MON1B: variants seen among roughly 807,000 people sequenced by gnomAD.
MON1B encodes the protein vacuolar fusion protein MON1 homolog B.
A neutral mutation model predicts 45.1 loss-of-function variants in MON1B; 26 were observed. The observed-to-expected ratio is 0.58, with a 90% confidence interval of 0.42 to 0.80. MON1B has a LOEUF of 0.80. Among genes scored for constraint, MON1B ranks in the 30% least tolerant of loss-of-function variants. The pLI is 0.00. For missense variants in MON1B, 737 were observed against 754.5 expected, an observed-to-expected ratio of 0.98 and a Z score of 0.27; for synonymous variants, 395 against 320.2, an observed-to-expected ratio of 1.23 and a Z score of -2.49.
chr16:77,193,438 G>T lies in MON1B; in HGVS notation c.149-13G>T. The T allele has an allele frequency of 6.5e-7, 1 of 1,536,718 alleles. No individual in the cohort carries two copies. On this transcript the variant is annotated splice_polypyrimidine_tract_variant and intron_variant, in intron 2 of 5. Transcript: ENST00000248248. The surrounding 1 kb of genome is among the most constrained non-coding windows in gnomAD (Gnocchi z 5.0). The stretch of plus-strand genomic sequence containing the variant: ...GTTCACATGCAGATGACCCACCAGG[G>T]GCTCCCTTTCAGGATCCAAGGACAA...
In MON1B at chr16:77,191,559, G is replaced by A; in HGVS notation, c.74G>A (p.Ser25Asn). The change falls in exon 2 of 6, where the codon AGT (serine) becomes AAT (asparagine). Residue 25 changes from serine to asparagine, a missense_variant. By Grantham distance (46) the Ser-to-Asn change is conservative (BLOSUM62 1). Transcript: ENST00000248248. ...AEDLEDTQFPSEEAREGGGVH... is the reference protein window; with the variant it reads ...AEDLEDTQFPNEEAREGGGVH... ...GACTTGGAGGACACGCAGTTCCCCAGTGAGGAAGCTAGAGAAGGTGGAGGG... is the reference window on the plus strand; with the variant it reads ...GACTTGGAGGACACGCAGTTCCCCAATGAGGAAGCTAGAGAAGGTGGAGGG... 1.2e-6 allele frequency: 2 copies of A among 1,609,234 alleles called. No individual in the cohort carries two copies. The highest frequency in any genetic ancestry group is 1.7e-6 in the Non-Finnish European group (2 of 1,178,780).
rs554081468 is a variant in MON1B at position 77,198,519 on chromosome 16, CT to C, written c.*212del. ...TCCCTGCCCAGTCATGCACCTCCCC[CT>C]CTGGGGAAATCCTTAGGCCTCCCTC... On this transcript the variant is annotated 3_prime_UTR_variant, in exon 6 of 6. Coordinates refer to ENST00000248248, the MANE Select transcript of MON1B (RefSeq NM_014940.4). The C allele has an allele frequency of 1.1e-3, 671 of 598,936 alleles. 3 individuals carry two copies. The highest frequency in any genetic ancestry group is 1.0e-2 in the African/African-American group (537 of 53,874). The allele number at this position is 598,936 out of a possible 1,614,324, so 37.1% of individuals were successfully genotyped here. A position where few individuals can be genotyped will look rare whatever the true frequency, so the allele number is the denominator to read the frequency against.
chr16:77,198,270 G>A lies in MON1B; in HGVS notation c.1606G>A (p.Asp536Asn), dbSNP rs1286676113. 6.2e-7 allele frequency: 1 copy of A among 1,614,114 alleles called. No individual in the cohort carries two copies. The change falls in exon 6 of 6, where the codon GAC (aspartate) becomes AAC (asparagine). Residue 536 changes from aspartate (D) to asparagine (N), a missense_variant. Transcript: ENST00000248248. ...CTCCACACCACCAGCCACCTCTACG[G>A]ACCAAGCTGCCCATAATGGCTTGTT... Reference protein sequence around the residue: ...KYSTPPATSTDQAAHNGLFTG... With the variant: ...KYSTPPATSTNQAAHNGLFTG...
Position 77,201,666 on chromosome 16 carries a change from G to C in MON1B, c.*3358G>C, listed in dbSNP as rs1349708764. The C allele has an allele frequency of 2.0e-5, 3 of 152,104 alleles. No individual in the cohort carries two copies. Among genetic ancestry groups the C allele is most frequent in the African/African-American group, 7.2e-5 (3 of 41,418 alleles). 9.4% of individuals were successfully genotyped at this position (152,104 alleles called of 1,614,324 possible). A position where few individuals can be genotyped will look rare whatever the true frequency, so the allele number is the denominator to read the frequency against. The stretch of plus-strand genomic sequence containing the variant: ...GAATGGTCACTGGAGTGTTGATGTA[G>C]GCACAACACAAGAAGTAGTCACAGA... On this transcript the variant is annotated 3_prime_UTR_variant, in exon 6 of 6. Coordinates refer to ENST00000248248, the MANE Select transcript of MON1B (RefSeq NM_014940.4).
Position 77,194,205 on chromosome 16 carries a change from G to A in MON1B, c.476-130G>A, listed in dbSNP as rs753934022. 3.6e-6 allele frequency: 3 copies of A among 833,400 alleles called. No individual in the cohort carries two copies. The highest frequency in any genetic ancestry group is 4.1e-6 in the Non-Finnish European group (2 of 490,426). The allele number at this position is 833,400 out of a possible 1,614,324, so 51.6% of individuals were successfully genotyped here. ...AGCTTGTCCTTACCCCAGTCCAGGTGCCCACAGAGTGAGCATGTGGACTCG... is the reference window on the plus strand; with the variant it reads ...AGCTTGTCCTTACCCCAGTCCAGGTACCCACAGAGTGAGCATGTGGACTCG... On this transcript the variant is annotated intron_variant, in intron 3 of 5. Coordinates refer to ENST00000248248, the MANE Select transcript of MON1B (RefSeq NM_014940.4). This position sits in a 1 kb window ranked among gnomAD's most constrained non-coding sequence, Gnocchi z 8.1.
rs114682709 is a variant in MON1B at position 77,198,036 on chromosome 16, T to C, written c.1444-72T>C. 5.7e-5 allele frequency: 83 copies of C among 1,464,598 alleles called. No homozygotes were observed. In the Middle Eastern group the frequency reaches 9.4e-4, roughly 17 times the overall value. The allele number at this position is 1,464,598 out of a possible 1,614,324, so 90.7% of individuals were successfully genotyped here. The stretch of plus-strand genomic sequence containing the variant: ...AGGTTGCAGGAGGCAGACATGCAGC[T>C]GCACTGGGGTAGGCAGGATTGTCCA... On this transcript the variant is annotated intron_variant, in intron 5 of 5. Transcript: ENST00000248248.
chr16:77,198,463 T>C lies in MON1B; in HGVS notation c.*155T>C, dbSNP rs1178198853. Reference sequence around the variant, plus strand: ...TCTGAGGGCCCACCGATGAGAGAGATGGTGGCAGCCGCCAGGCGAGCAGGC... The same window carrying C: ...TCTGAGGGCCCACCGATGAGAGAGACGGTGGCAGCCGCCAGGCGAGCAGGC... On this transcript the variant is annotated 3_prime_UTR_variant, in exon 6 of 6. Transcript: ENST00000248248. 2.5e-6 allele frequency: 2 copies of C among 810,942 alleles called. No homozygotes were observed. Among genetic ancestry groups the C allele is most frequent in the Non-Finnish European group, 3.9e-6 (2 of 517,742 alleles). 50.2% of individuals were successfully genotyped at this position (810,942 alleles called of 1,614,324 possible).
chr16:77,195,999 T>C (rs1447147913), intron 5 of MON1B, among the ~76,000 whole-genome samples: 1 of 152,180 alleles, frequency 6.6e-6, no homozygotes, highest in Non-Finnish European at 1.5e-5. Flanking sequence ...AGTAGCCCAA[T>C]CCATGTGTTT....
Position 77,193,817 on chromosome 16 carries a change from TG to T in MON1B, c.475+43del. The stretch of plus-strand genomic sequence containing the variant: ...GGGAGGCAGAATGGGGGACAGTGAC[TG>T]GGAATATGGCTGGCACGGGTAGGTC... On this transcript the variant is annotated intron_variant, in intron 3 of 5. Coordinates refer to ENST00000248248, the MANE Select transcript of MON1B (RefSeq NM_014940.4). This position sits in a 1 kb window ranked among gnomAD's most constrained non-coding sequence, Gnocchi z 5.0. 4 of 1,571,096 alleles carry T rather than the reference TG, an allele frequency of 2.5e-6. No homozygotes were observed. Among genetic ancestry groups the T allele is most frequent in the Non-Finnish European group, 3.5e-6 (4 of 1,154,928 alleles).
At chr16:77,195,486 A>C (rs763254600) in intron 4 of MON1B, 49 bp from the exon 5 acceptor site, 4 of 1,561,828 alleles carry the variant, frequency 2.6e-6, no homozygotes, top group Non-Finnish European at 3.5e-6. Context: ...TGGGCCAGCC[A>C]AGAAGGCCCT....
In MON1B at chr16:77,193,979, T is replaced by C; in HGVS notation, c.475+202T>C. The stretch of plus-strand genomic sequence containing the variant: ...GCTGGTTTCTTAGTGATTGACTTGC[T>C]GGGATCTCAGTGACTAGCTGGATAC... On this transcript the variant is annotated intron_variant, in intron 3 of 5. Transcript: ENST00000248248. This position sits in a 1 kb window ranked among gnomAD's most constrained non-coding sequence, Gnocchi z 5.0. 2 of 619,850 alleles carry C rather than the reference T, an allele frequency of 3.2e-6. No homozygotes were observed. Among genetic ancestry groups the C allele is most frequent in the Non-Finnish European group, 5.6e-6 (2 of 355,164 alleles). 38.4% of individuals were successfully genotyped at this position (619,850 alleles called of 1,614,324 possible). A position where few individuals can be genotyped will look rare whatever the true frequency, so the allele number is the denominator to read the frequency against.
chr16:77,200,530 T>A lies in MON1B; in HGVS notation c.*2222T>A. On this transcript the variant is annotated 3_prime_UTR_variant, in exon 6 of 6. Coordinates refer to ENST00000248248, the MANE Select transcript of MON1B (RefSeq NM_014940.4). ...CAGCACTTTGGAAGGCCGAGGCGGG[T>A]GGGTCACCTGAGGTCAGGAGTTTGA... 6.7e-6 allele frequency: 1 copy of A among 149,664 alleles called. No individual in the cohort carries two copies. 9.3% of individuals were successfully genotyped at this position (149,664 alleles called of 1,614,324 possible). A position where few individuals can be genotyped will look rare whatever the true frequency, so the allele number is the denominator to read the frequency against.
intron 5 of MON1B, among the ~76,000 whole-genome samples, chr16:77,196,810 T>A (rs1025974311): frequency 3.9e-5 from 6 of 152,108 alleles, no homozygotes; most frequent in African/African-American, 1.4e-4. Context: ...CTTCTCCTAT[T>A]TATTGAATTT....
intron 5 of MON1B, 135 bp from the exon 6 acceptor site, chr16:77,197,973 G>T: frequency 1.2e-6 from 1 of 841,576 alleles, no homozygotes; most frequent in Non-Finnish European, 1.9e-6. Flanking sequence ...CAGTATCTAG[G>T]CAGCACCTGG....
intron 5 of MON1B, among the ~76,000 whole-genome samples, chr16:77,197,299 G>A (rs190021651): frequency 3.0e-3 from 459 of 152,268 alleles, no homozygotes; most frequent in African/African-American, 0.01. Flanking sequence ...GGGAGGCTGA[G>A]GCAGGAGAAT....
Position 77,198,174 on chromosome 16 carries a change from G to T in MON1B, c.1510G>T (p.Val504Leu). ...GGTGACCAAGGCAGGTGCAATCTTGGTAGTGACCAAACTCCTGCGCTGGGT... is the reference window on the plus strand; with the variant it reads ...GGTGACCAAGGCAGGTGCAATCTTGTTAGTGACCAAACTCCTGCGCTGGGT... ...PLVTKAGAILVVTKLLRWVKK... is the reference protein window; with the variant it reads ...PLVTKAGAILLVTKLLRWVKK... The change falls in exon 6 of 6, where the codon GTA (valine) becomes TTA (leucine). Residue 504 changes from valine (V) to leucine (L), a missense_variant. Physicochemically the swap from Val to Leu is conservative, Grantham distance 32. Transcript: ENST00000248248. 6.2e-7 allele frequency: 1 copy of T among 1,614,112 alleles called. No individual in the cohort carries two copies. Among genetic ancestry groups the T allele is most frequent in the Non-Finnish European group, 8.5e-7 (1 of 1,180,028 alleles).
Position 77,199,526 on chromosome 16 carries a change from G to A in MON1B, c.*1218G>A. On this transcript the variant is annotated 3_prime_UTR_variant, in exon 6 of 6. Coordinates refer to ENST00000248248, the MANE Select transcript of MON1B (RefSeq NM_014940.4). Reference sequence around the variant, plus strand: ...AGGAGGCTGAAGGTAGTGAGGGCAAGTGGGCTGCACTCCTTTCTCTCCAAC... The same window carrying A: ...AGGAGGCTGAAGGTAGTGAGGGCAAATGGGCTGCACTCCTTTCTCTCCAAC... 3 of 1,547,612 alleles carry A rather than the reference G, an allele frequency of 1.9e-6. No individual in the cohort carries two copies. Among genetic ancestry groups the A allele is most frequent in the Non-Finnish European group, 2.6e-6 (3 of 1,143,478 alleles).
Position 77,193,792 on chromosome 16 carries a change from G to A in MON1B, c.475+15G>A, listed in dbSNP as rs1567418248. Reference sequence around the variant, plus strand: ...CATCTACGCTGGTGAGCAAACAGGTGGGAGGCAGAATGGGGGACAGTGACT... The same window carrying A: ...CATCTACGCTGGTGAGCAAACAGGTAGGAGGCAGAATGGGGGACAGTGACT... On this transcript the variant is annotated intron_variant, in intron 3 of 5. Coordinates refer to ENST00000248248, the MANE Select transcript of MON1B (RefSeq NM_014940.4). The surrounding 1 kb of genome is among the most constrained non-coding windows in gnomAD (Gnocchi z 5.0). The A allele has an allele frequency of 6.3e-7, 1 of 1,598,144 alleles. No homozygotes were observed.
At position 77,194,179 on chromosome 16, in the gene MON1B, C is replaced by T; in HGVS notation, c.476-156C>T. On this transcript the variant is annotated intron_variant, in intron 3 of 5. Coordinates refer to ENST00000248248, the MANE Select transcript of MON1B (RefSeq NM_014940.4). This position sits in a 1 kb window ranked among gnomAD's most constrained non-coding sequence, Gnocchi z 8.1. ...GTCTCTGCAAATGTCCAGATTCCTCCAGCTTGTCCTTACCCCAGTCCAGGT... is the reference window on the plus strand; with the variant it reads ...GTCTCTGCAAATGTCCAGATTCCTCTAGCTTGTCCTTACCCCAGTCCAGGT... 2 of 732,418 alleles carry T rather than the reference C, an allele frequency of 2.7e-6. No homozygotes were observed. The highest frequency in any genetic ancestry group is 2.4e-4 in the Middle Eastern group (1 of 4,164). The allele number at this position is 732,418 out of a possible 1,614,324, so 45.4% of individuals were successfully genotyped here.
Sources: gnomAD v4.1 joint callset for allele counts (sites outside exome capture counted in the v4.1 genomes callset) on GRCh38, gnomAD v4.1.1 for gene constraint, Gnocchi (gnomAD v3.1) non-coding constraint, MANE v1.5 for transcripts, NCBI Gene and HGNC (gene_info 2026-07-23, HGNC 2026-07-21) for gene names.